Variants in GRIA4 observed in about 807,000 individuals in gnomAD.
The protein encoded by GRIA4 is glutamate ionotropic receptor AMPA type subunit 4.
GRIA4 carries 34 observed loss-of-function variants against 104.0 expected under a neutral mutation model. The ratio of observed to expected loss-of-function variants is 0.33; its 90% confidence interval spans 0.25 to 0.44. The LOEUF is 0.44. GRIA4 is among the 20% of genes least tolerant of loss of function. The pLI is 1.00. For missense variants in GRIA4, 750 were observed against 1,096.5 expected (o/e 0.68, Z 4.46); for synonymous variants, 386 against 381.9 (o/e 1.01, Z -0.13).
At chr11:105,647,016 C>G (rs909270304) in intron 3 of GRIA4, among the ~76,000 whole-genome samples, 9 of 152,172 alleles carry the variant, frequency 5.9e-5, no homozygotes, top group Non-Finnish European at 1.3e-4. Flanking sequence ...AGTGATCAGA[C>G]AGCCTATAGA....
At chr11:105,923,885 T>A (rs1454586143) in intron 11 of GRIA4, among the ~76,000 whole-genome samples, 1 of 152,198 alleles carries the variant, frequency 6.6e-6, no homozygotes, top group African/African-American at 2.4e-5. Flanking sequence ...ACAGGCTTTA[T>A]GATCTGTTTA....
At chr11:105,886,299 G>T (rs894878751) in intron 5 of GRIA4, among the ~76,000 whole-genome samples, 2 of 151,776 alleles carry the variant, frequency 1.3e-5, no homozygotes, top group South Asian at 2.1e-4. Context: ...TGGAGAATGG[G>T]GTATCCACCC....
intron 4 of GRIA4, among the ~76,000 whole-genome samples, chr11:105,845,822 C>T (rs550608413): frequency 2.6e-5 from 4 of 152,166 alleles, no homozygotes; most frequent in Non-Finnish European, 4.4e-5. Context: ...ACCCGGGAGT[C>T]GGAGCTTGCA....
At chr11:105,850,819 T>C (rs1944781343) in intron 4 of GRIA4, among the ~76,000 whole-genome samples, 1 of 152,100 alleles carries the variant, frequency 6.6e-6, no homozygotes, top group Non-Finnish European at 1.5e-5. Flanking sequence ...TTCTTGGAAA[T>C]ATCATTGTAT....
chr11:105,708,383 A>G (rs1953785767), intron 3 of GRIA4, among the ~76,000 whole-genome samples: 1 of 152,108 alleles, frequency 6.6e-6, no homozygotes, highest in Non-Finnish European at 1.5e-5. Context: ...TCTGTAATAC[A>G]CTGCCCTTTA....
chr11:105,791,749 T>C (rs528837076), intron 4 of GRIA4, among the ~76,000 whole-genome samples: 1 of 152,334 alleles, frequency 6.6e-6, no homozygotes, highest in Non-Finnish European at 1.5e-5. Flanking sequence ...ATAAGGCACC[T>C]GAGTGTCCAA....
intron 3 of GRIA4, among the ~76,000 whole-genome samples, chr11:105,652,184 A>T (rs769066374): frequency 6.6e-6 from 1 of 152,166 alleles, no homozygotes; most frequent in South Asian, 2.1e-4. Context: ...GGATTTTTTT[A>T]AATCAATGAG....
At chr11:105,940,103 T>C (rs1249860873) in intron 14 of GRIA4, among the ~76,000 whole-genome samples, 2 of 151,978 alleles carry the variant, frequency 1.3e-5, no homozygotes, top group African/African-American at 2.4e-5. Context: ...AGTGGCTCAC[T>C]CTTGTAATCC....
chr11:105,702,140 C>A (rs1238066819), intron 3 of GRIA4, among the ~76,000 whole-genome samples: 2 of 152,114 alleles, frequency 1.3e-5, no homozygotes. Flanking sequence ...CACTATGTTA[C>A]CCAGGCTGGT....
chr11:105,760,098 A>C (rs568167034), intron 4 of GRIA4, among the ~76,000 whole-genome samples: 1 of 152,082 alleles, frequency 6.6e-6, no homozygotes, highest in African/African-American at 2.4e-5. Context: ...TAAATATCCC[A>C]TTTGTATCAC....
chr11:105,859,972 T>C (rs1277181133), intron 4 of GRIA4, among the ~76,000 whole-genome samples: 3 of 152,108 alleles, frequency 2.0e-5, no homozygotes, highest in Non-Finnish European at 2.9e-5. Flanking sequence ...ACGTTACATA[T>C]GTGTCGAATG....
intron 3 of GRIA4, among the ~76,000 whole-genome samples, chr11:105,737,352 G>A (rs1939016423): frequency 6.6e-6 from 1 of 151,984 alleles, no homozygotes; most frequent in Non-Finnish European, 1.5e-5. Flanking sequence ...TATTCTAGAA[G>A]GGGAAGAAAT....
intron 13 of GRIA4, among the ~76,000 whole-genome samples, chr11:105,931,477 T>C (rs745656831): frequency 1.3e-4 from 20 of 151,930 alleles, no homozygotes; most frequent in Admixed American, 9.2e-4. Flanking sequence ...GCCGAGGCGG[T>C]GGATTACCTG....
chr11:105,836,209 A>G (rs909445112), intron 4 of GRIA4, among the ~76,000 whole-genome samples: 1 of 152,052 alleles, frequency 6.6e-6, no homozygotes, highest in Non-Finnish European at 1.5e-5. Context: ...TCAGACCCCA[A>G]TCATAGAACA....
At chr11:105,678,001 C>T (rs569948979) in intron 3 of GRIA4, among the ~76,000 whole-genome samples, 6 of 152,120 alleles carry the variant, frequency 3.9e-5, no homozygotes, top group African/African-American at 1.4e-4. Flanking sequence ...CATCTTATCT[C>T]CCCATATATC....
At chr11:105,818,192 T>C (rs1482068836) in intron 4 of GRIA4, among the ~76,000 whole-genome samples, 1 of 152,058 alleles carries the variant, frequency 6.6e-6, no homozygotes, top group Middle Eastern at 3.4e-3. Flanking sequence ...AATGCATAAA[T>C]TGAGTCCCAA....
intron 4 of GRIA4, among the ~76,000 whole-genome samples, chr11:105,827,591 T>C (rs1289602278): frequency 6.6e-6 from 1 of 151,966 alleles, no homozygotes; most frequent in Admixed American, 6.6e-5. Context: ...ACCACCGTCA[T>C]TCATAAAAGG....
chr11:105,942,365 T>C (rs1025377310), intron 14 of GRIA4, among the ~76,000 whole-genome samples: 7 of 152,286 alleles, frequency 4.6e-5, no homozygotes, highest in Admixed American at 4.6e-4. Context: ...TAAAAGATTA[T>C]GCTTAAATTT....
At chr11:105,867,556 A>T (rs1675468429) in intron 5 of GRIA4, among the ~76,000 whole-genome samples, 1 of 152,196 alleles carries the variant, frequency 6.6e-6, no homozygotes, top group Non-Finnish European at 1.5e-5. Context: ...ATAAAGCATT[A>T]AAAGGAGCTG....
Sources: gnomAD v4.1 joint callset for allele counts (sites outside exome capture counted in the v4.1 genomes callset) on GRCh38, gnomAD v4.1.1 for gene constraint, MANE v1.5 for transcripts, NCBI Gene and HGNC (gene_info 2026-07-23, HGNC 2026-07-21) for gene names.